Variants in PTPRO observed in about 807,000 individuals in gnomAD.
The protein encoded by PTPRO is receptor-type tyrosine-protein phosphatase O.
A neutral mutation model predicts 145.2 loss-of-function variants in PTPRO; 62 were observed. The ratio of observed to expected loss-of-function variants is 0.43; its 90% CI spans 0.35 to 0.53. The LOEUF is 0.53. Ranked by LOEUF, PTPRO falls within the 20% of genes least tolerant of loss-of-function variation. PTPRO has a pLI of 0.01. For missense variants in PTPRO, 1,345 were observed against 1,482.7 expected (o/e 0.91, Z 1.53); for synonymous variants, 565 against 514.7 (o/e 1.10, Z -1.32).
At chr12:15,565,536 T>C in intron 17 of PTPRO, 57 bp from the exon 18 acceptor site, 1 of 1,155,806 alleles carries the variant, frequency 8.7e-7, no homozygotes, top group South Asian at 1.3e-5. Flanking sequence ...AGTTTAATTA[T>C]TATGTTAATC....
chr12:15,484,313 C>A, intron 2 of PTPRO, 66 bp downstream of exon 2: 1 of 1,581,380 alleles, frequency 6.3e-7, no homozygotes, highest in Non-Finnish European at 8.7e-7. Flanking sequence ...CCGTAGGGCT[C>A]GAATTGACAG....
chr12:15,578,842 G>C lies in PTPRO; in HGVS notation c.2830-11G>C, dbSNP rs754468906. 1.9e-6 allele frequency: 3 copies of C among 1,554,834 alleles called. No individual in the cohort carries two copies. On this transcript the variant is annotated splice_polypyrimidine_tract_variant and intron_variant, in intron 19 of 26. Transcript: ENST00000281171. ...TATGGAACTCTCAAATCCATTCTCT[G>C]TCCTTTACAGGAGTTGAAATTGATT...
At chr12:15,432,623 A>G (rs1940474865) in intron 1 of PTPRO, among the ~76,000 whole-genome samples, 1 of 152,168 alleles carries the variant, frequency 6.6e-6, no homozygotes, top group African/African-American at 2.4e-5. Context: ...CCCACCATCA[A>G]TGTATAAGTA....
At chr12:15,390,900 G>A (rs1939171688) in intron 1 of PTPRO, among the ~76,000 whole-genome samples, 1 of 152,202 alleles carries the variant, frequency 6.6e-6, no homozygotes, top group Admixed American at 6.5e-5. Flanking sequence ...GGAAGTCCAA[G>A]GTCAAGGTGC....
intron 1 of PTPRO, among the ~76,000 whole-genome samples, chr12:15,384,864 G>A (rs1565599519): frequency 6.6e-6 from 1 of 152,128 alleles, no homozygotes; most frequent in African/African-American, 2.4e-5. Flanking sequence ...AAAATTTTCT[G>A]ATCTTAAAAG....
intron 1 of PTPRO, among the ~76,000 whole-genome samples, chr12:15,416,742 C>G (rs1474665918): frequency 2.0e-5 from 3 of 149,568 alleles, no homozygotes; most frequent in Non-Finnish European, 3.0e-5. Context: ...TTTTTCCCCA[C>G]CAACATGCTC....
chr12:15,540,961 A>G (rs2268140), intron 12 of PTPRO, among the ~76,000 whole-genome samples: 7,677 of 152,324 alleles, frequency 0.05, 292 homozygotes, highest in East Asian at 0.18. Context: ...AGGGAAGGCC[A>G]GCTAGTTGAG....
intron 2 of PTPRO, among the ~76,000 whole-genome samples, chr12:15,487,594 C>G (rs2073886679): frequency 1.3e-5 from 2 of 151,942 alleles, no homozygotes; most frequent in South Asian, 2.1e-4. Context: ...CCCCAGCCCC[C>G]CAGAGGGAGG....
At position 15,551,999 on chromosome 12, in the gene PTPRO, A is replaced by T. The variant is rs61391864; in HGVS notation, c.2558+328A>T. Among the ~76,000 whole-genome samples the T allele has an allele frequency of 0.012, 1,639 of 139,330 alleles. 30 individuals carry two copies. The highest frequency in any genetic ancestry group is 0.041 in the African/African-American group (1,527 of 37,072). The allele number at this position is 139,330 out of a possible 152,430, so 91.4% of individuals were successfully genotyped here. ...TTGGAATAAAAGAAATATCTATGAC[A>T]GTTCAGTATAGTTAATGAAAAAAGT... is the stretch of plus-strand genomic sequence containing the variant. On this transcript the variant is annotated intron_variant, in intron 15 of 26. Coordinates refer to ENST00000281171, the MANE Select transcript of PTPRO (RefSeq NM_030667.3).
At chr12:15,391,046 G>A (rs1939175795) in intron 1 of PTPRO, among the ~76,000 whole-genome samples, 3 of 152,080 alleles carry the variant, frequency 2.0e-5, no homozygotes, top group Non-Finnish European at 2.9e-5. Flanking sequence ...TTCCATCAAC[G>A]AAAACCCTAC....
intron 23 of PTPRO, among the ~76,000 whole-genome samples, chr12:15,583,823 TA>T (rs1221566943): frequency 6.6e-6 from 1 of 152,200 alleles, no homozygotes; most frequent in African/African-American, 2.4e-5. Flanking sequence ...CTACAGGAGA[TA>T]AATCACTTCT....
intron 2 of PTPRO, among the ~76,000 whole-genome samples, chr12:15,486,002 G>A (rs1169639530): frequency 6.6e-6 from 1 of 152,084 alleles, no homozygotes; most frequent in Non-Finnish European, 1.5e-5. Flanking sequence ...GGTCTTTCTT[G>A]CTGTGTATTC....
intron 14 of PTPRO, 38 bp from the exon 15 acceptor site, chr12:15,551,513 G>A: frequency 6.2e-7 from 1 of 1,609,268 alleles, no homozygotes; most frequent in Non-Finnish European, 8.5e-7. Flanking sequence ...TTCCCTGTAA[G>A]AGAACCTATG....
chr12:15,388,865 G>A (rs1217481194), intron 1 of PTPRO, among the ~76,000 whole-genome samples: 2 of 151,748 alleles, frequency 1.3e-5, no homozygotes, highest in African/African-American at 4.8e-5. Context: ...AACCACATGT[G>A]ATATCTGGTT....
chr12:15,340,477 CT>C (rs1446417864), intron 1 of PTPRO, among the ~76,000 whole-genome samples: 1 of 152,126 alleles, frequency 6.6e-6, no homozygotes, highest in African/African-American at 2.4e-5. Flanking sequence ...CTTGCGGTTT[CT>C]TTTTTCTGTC....
intron 1 of PTPRO, among the ~76,000 whole-genome samples, chr12:15,401,428 G>A (rs887019968): frequency 6.6e-6 from 1 of 152,224 alleles, no homozygotes; most frequent in Non-Finnish European, 1.5e-5. Flanking sequence ...ACAATGAACA[G>A]TAGTTGTGAT....
chr12:15,539,748 T>A (rs11056551), intron 12 of PTPRO, among the ~76,000 whole-genome samples: 1 of 108,506 alleles, frequency 9.2e-6, no homozygotes, highest in Non-Finnish European at 1.7e-5. Context: ...GGTGACAGAC[T>A]GAGACTCTGT....
chr12:15,427,458 C>T (rs975262065), intron 1 of PTPRO, among the ~76,000 whole-genome samples: 1 of 151,592 alleles, frequency 6.6e-6, no homozygotes, highest in African/African-American at 2.4e-5. Flanking sequence ...TATATAATTG[C>T]TATATTAAAT....
At chr12:15,586,382 C>T (rs1944430196) in intron 23 of PTPRO, among the ~76,000 whole-genome samples, 2 of 152,148 alleles carry the variant, frequency 1.3e-5, no homozygotes, top group South Asian at 4.1e-4. Context: ...TTTTGTACCC[C>T]ACAATTAGTC....
Sources: allele counts gnomAD v4.1 joint callset (sites outside exome capture counted in the v4.1 genomes callset), GRCh38; gene constraint gnomAD v4.1.1; transcripts MANE v1.5; gene names NCBI Gene and HGNC (gene_info 2026-07-23, HGNC 2026-07-21).